UTRN: variants seen among roughly 807,000 people sequenced by gnomAD.
UTRN encodes dystrophin-related protein 1.
Under a neutral mutation model 463.9 loss-of-function variants are expected in UTRN, and 283 were observed. The ratio of observed to expected loss-of-function variants is 0.61; its 90% CI spans 0.55 to 0.67. The LOEUF is 0.67. UTRN is among the 30% of genes least tolerant of loss of function. The pLI, the probability that UTRN is intolerant of heterozygous loss-of-function variation, is 0.00. For synonymous variants in UTRN, 1,442 were observed against 1,431.5 expected (o/e 1.01, Z -0.17); for missense variants, 3,922 against 4,084.3 (o/e 0.96, Z 1.08).
chr6:144,449,738 A>C (rs964790594), intron 17 of UTRN, among the ~76,000 whole-genome samples: 1 of 152,178 alleles, frequency 6.6e-6, no homozygotes, highest in African/African-American at 2.4e-5. Context: ...GTTTCTCACA[A>C]GAATCAGCAA....
chr6:144,475,580 T>G (rs886508452), intron 25 of UTRN, among the ~76,000 whole-genome samples: 1 of 152,218 alleles, frequency 6.6e-6, no homozygotes, highest in African/African-American at 2.4e-5. Context: ...AAGTGACATG[T>G]GATATAGATC....
chr6:144,360,060 C>T (rs1250120708), intron 2 of UTRN, among the ~76,000 whole-genome samples: 1 of 96,174 alleles, frequency 1.0e-5, no homozygotes, highest in African/African-American at 6.3e-5. Context: ...CCCTTCCCTT[C>T]CCTTCCCTTC....
intron 69 of UTRN, 76 bp downstream of exon 69, chr6:144,828,931 G>A: frequency 1.3e-6 from 2 of 1,503,102 alleles, no homozygotes; most frequent in South Asian, 1.1e-5. Flanking sequence ...AATCTTCACT[G>A]ATGTGGCTCT....
intron 9 of UTRN, among the ~76,000 whole-genome samples, chr6:144,432,132 G>T (rs1785911903): frequency 6.6e-6 from 1 of 152,006 alleles, no homozygotes; most frequent in South Asian, 2.1e-4. Context: ...GCTATTTAAA[G>T]ACTTCATTTT....
At chr6:144,424,673 A>G (rs966787638) in intron 6 of UTRN, among the ~76,000 whole-genome samples, 6 of 152,218 alleles carry the variant, frequency 3.9e-5, no homozygotes, top group African/African-American at 1.4e-4. Context: ...AAAAAGGGAC[A>G]TAATTTCACA....
At chr6:144,827,412 G>A (rs777009105) in intron 67 of UTRN, 26 bp downstream of exon 67, 3 of 1,613,194 alleles carry the variant, frequency 1.9e-6, no homozygotes, top group Non-Finnish European at 1.7e-6. Flanking sequence ...CCACGTGCAG[G>A]AGAGGTGTTC....
intron 51 of UTRN, among the ~76,000 whole-genome samples, chr6:144,632,494 T>C (rs1231124492): frequency 6.6e-6 from 1 of 152,020 alleles, no homozygotes; most frequent in African/African-American, 2.4e-5. Flanking sequence ...AGAAGTGAAA[T>C]AATAGCAAAC....
chr6:144,592,761 T>C (rs1193264261), intron 51 of UTRN, among the ~76,000 whole-genome samples: 2 of 152,190 alleles, frequency 1.3e-5, no homozygotes, highest in Non-Finnish European at 2.9e-5. Context: ...CCTGATTTCT[T>C]GTATCCTCAC....
At chr6:144,728,318 GCTT>G (rs1248705798) in intron 53 of UTRN, among the ~76,000 whole-genome samples, 29 of 152,122 alleles carry the variant, frequency 1.9e-4, no homozygotes, top group Non-Finnish European at 2.9e-4. Context: ...TTCCTCTAGA[GCTT>G]CTTGCTCTAA....
rs535685007 is a variant in UTRN at position 144,726,972 on chromosome 6, G to A, written c.7810-3385G>A. Among the ~76,000 whole-genome samples, 422 of 152,226 alleles carry A rather than the reference G, an allele frequency of 2.8e-3. 2 individuals are homozygous for A. The highest frequency in any genetic ancestry group is 4.5e-3 in the Non-Finnish European group (306 of 68,000). The stretch of plus-strand genomic sequence containing the variant: ...TTTGAAATCTAAAAAGAAGTTCCAA[G>A]ACAAATCTCTCCTTTGCCCTCTTCC... On this transcript the variant is annotated intron_variant, in intron 53 of 74. Transcript: ENST00000367545.
intron 64 of UTRN, among the ~76,000 whole-genome samples, chr6:144,801,859 T>A (rs1265365660): frequency 6.6e-6 from 1 of 152,112 alleles, no homozygotes; most frequent in Admixed American, 6.6e-5. Flanking sequence ...ACAAAGTGAC[T>A]CTTCTGGATG....
At chr6:144,404,183 G>A (rs1305885875) in intron 3 of UTRN, among the ~76,000 whole-genome samples, 1 of 152,082 alleles carries the variant, frequency 6.6e-6, no homozygotes, top group African/African-American at 2.4e-5. Context: ...TTTATCTTGA[G>A]GGGTATTTTA....
chr6:144,569,911 C>A (rs1203168964), intron 50 of UTRN, among the ~76,000 whole-genome samples: 1 of 152,126 alleles, frequency 6.6e-6, no homozygotes, highest in Non-Finnish European at 1.5e-5. Context: ...AGCAATGTGG[C>A]AACCTCTAGA....
At chr6:144,556,274 A>C (rs192997478) in intron 49 of UTRN, among the ~76,000 whole-genome samples, 2 of 152,342 alleles carry the variant, frequency 1.3e-5, no homozygotes, top group Admixed American at 6.5e-5. Context: ...TTACTTGGTT[A>C]CAGTTTTAAA....
At chr6:144,501,446 T>G (rs1214956475) in intron 34 of UTRN, among the ~76,000 whole-genome samples, 1 of 152,188 alleles carries the variant, frequency 6.6e-6, no homozygotes, top group Non-Finnish European at 1.5e-5. Context: ...AATGCTATTT[T>G]TTTTCATTTT....
chr6:144,675,847 G>C (rs1781534917), intron 51 of UTRN, among the ~76,000 whole-genome samples: 2 of 152,188 alleles, frequency 1.3e-5, no homozygotes, highest in Admixed American at 1.3e-4. Context: ...TGAGTCTCCA[G>C]ACGCTGTTCT....
At position 144,441,403 on chromosome 6, in the gene UTRN, TGG is replaced by T. The variant is rs572697383; in HGVS notation, c.1512+935_1512+936del. 2.5e-3 allele frequency among the ~76,000 whole-genome samples: 381 copies of T among 152,226 alleles called. 2 individuals are homozygous for T. The highest frequency in any genetic ancestry group is 8.5e-3 in the African/African-American group (354 of 41,546). On this transcript the variant is annotated intron_variant, in intron 13 of 74. Coordinates refer to ENST00000367545, the MANE Select transcript of UTRN (RefSeq NM_007124.3). ...GTCCCCATTCAAGTATGGAATACGGTGGGGTAGTCAAATCTTAAAGCTTCAAA... is the reference window on the plus strand; with the variant it reads ...GTCCCCATTCAAGTATGGAATACGGTGGTAGTCAAATCTTAAAGCTTCAAA...
intron 51 of UTRN, among the ~76,000 whole-genome samples, chr6:144,668,312 A>T (rs1780639600): frequency 6.6e-6 from 1 of 152,128 alleles, no homozygotes; most frequent in Admixed American, 6.6e-5. Context: ...AAGCACTTAG[A>T]TGCTGGTCCC....
At chr6:144,369,131 A>G (rs929579602) in intron 2 of UTRN, among the ~76,000 whole-genome samples, 2 of 152,226 alleles carry the variant, frequency 1.3e-5, no homozygotes, top group Admixed American at 6.5e-5. Context: ...CATAACTTTA[A>G]GAAGTTTGGG....
Sources: gnomAD v4.1 joint callset for allele counts (sites outside exome capture counted in the v4.1 genomes callset) on GRCh38, gnomAD v4.1.1 for gene constraint, MANE v1.5 for transcripts, NCBI Gene and HGNC (gene_info 2026-07-23, HGNC 2026-07-21) for gene names.